The following BACE2 variants were observed in gnomAD, a reference collection of about 807,000 sequenced individuals.
BACE2 encodes beta-secretase 2, also known as 56 kDa aspartic-like protease.
A neutral mutation model predicts 46.2 loss-of-function variants in BACE2; 17 were observed. The ratio of observed to expected loss-of-function variants is 0.37; its 90% CI spans 0.25 to 0.55. The LOEUF (loss-of-function observed/expected upper bound fraction) is 0.55. Ranked by LOEUF, BACE2 falls within the 20% of genes least tolerant of loss-of-function variation. The pLI, the probability that BACE2 is intolerant of heterozygous loss-of-function variation, is 0.82. For synonymous variants in BACE2, 277 were observed against 295.9 expected (o/e 0.94, Z 0.66); for missense variants, 595 against 698.1 (o/e 0.85, Z 1.66).
At chr21:41,182,421 T>G (rs372092648) in intron 1 of BACE2, 4 of 167,080 alleles carry the variant, frequency 2.4e-5, no homozygotes, top group Admixed American at 1.3e-4. Flanking sequence ...TTAGCAAGAC[T>G]AAGTCTCCTG....
chr21:41,258,873 G>A (rs772494354), intron 8 of BACE2, among the ~76,000 whole-genome samples: 1 of 152,122 alleles, frequency 6.6e-6, no homozygotes, highest in Non-Finnish European at 1.5e-5. Context: ...TTATGTATGT[G>A]CAATAACTCT....
At position 41,184,659 on chromosome 21, in the gene BACE2, G is replaced by A. The variant is rs2123503498; in HGVS notation, c.312+16084G>A. The A allele has an allele frequency of 1.8e-5, 3 of 166,406 alleles. No individual in the cohort carries two copies. The South Asian group carries it at 6.3e-4, about 35-fold the overall frequency. The allele number at this position is 166,406 out of a possible 1,614,324, so 10.3% of individuals were successfully genotyped here. A position where few individuals can be genotyped will look rare whatever the true frequency, so the allele number is the denominator to read the frequency against. On this transcript the variant is annotated intron_variant, in intron 1 of 8. Coordinates refer to ENST00000330333, the MANE Select transcript of BACE2 (RefSeq NM_012105.5). ...AGGCTAGGGCTAGTTGGATAAGGGG[G>A]AAAGGTGCCTGATGATATTGGGGTG...
intron 1 of BACE2, among the ~76,000 whole-genome samples, chr21:41,185,686 T>C (rs1262723454): frequency 6.6e-6 from 1 of 152,172 alleles, no homozygotes; most frequent in African/African-American, 2.4e-5. Context: ...TGGCCTATAA[T>C]ACCGATGCTG....
chr21:41,251,307 A>G (rs1202930243), intron 7 of BACE2, among the ~76,000 whole-genome samples: 2 of 152,196 alleles, frequency 1.3e-5, no homozygotes, highest in Non-Finnish European at 2.9e-5. Flanking sequence ...AGAACTAGCC[A>G]CTATCTCTTC....
At chr21:41,253,007 TG>T (rs752617156) in intron 7 of BACE2, among the ~76,000 whole-genome samples, 4 of 152,226 alleles carry the variant, frequency 2.6e-5, no homozygotes, top group Non-Finnish European at 5.9e-5. Context: ...TAGCCCTGCC[TG>T]TGTCTCTTTA....
intron 1 of BACE2, among the ~76,000 whole-genome samples, chr21:41,170,583 C>T (rs1252426875): frequency 6.6e-6 from 1 of 152,110 alleles, no homozygotes; most frequent in Non-Finnish European, 1.5e-5. Flanking sequence ...CCTGTGTTGC[C>T]CTGAAATGTC....
chr21:41,269,099 C>T (rs183096008), intron 8 of BACE2, among the ~76,000 whole-genome samples: 5 of 152,130 alleles, frequency 3.3e-5, no homozygotes, highest in Admixed American at 2.0e-4. Flanking sequence ...GGATTACAGG[C>T]GTGTGCCACC....
chr21:41,257,530 T>G (rs1987824119), intron 8 of BACE2, among the ~76,000 whole-genome samples: 1 of 152,176 alleles, frequency 6.6e-6, no homozygotes, highest in African/African-American at 2.4e-5. Flanking sequence ...GAAACTTCAG[T>G]GCTTGGCACA....
chr21:41,275,773 T>C lies in BACE2; in HGVS notation c.*149T>C. The C allele has an allele frequency of 1.1e-6, 1 of 873,432 alleles. No homozygotes were observed. Among genetic ancestry groups the C allele is most frequent in the Non-Finnish European group, 1.7e-6 (1 of 588,774 alleles). The allele number at this position is 873,432 out of a possible 1,614,324, so 54.1% of individuals were successfully genotyped here. A position where few individuals can be genotyped will look rare whatever the true frequency, so the allele number is the denominator to read the frequency against. On this transcript the variant is annotated 3_prime_UTR_variant, in exon 9 of 9. Transcript: ENST00000330333. Reference sequence around the variant, plus strand: ...GCTCCCAGATGCCTTCTAGATTCACTGTCTTTTGATTCTTGATTTTCAAGC... The same window carrying C: ...GCTCCCAGATGCCTTCTAGATTCACCGTCTTTTGATTCTTGATTTTCAAGC...
chr21:41,254,303 CCT>C (rs1410005799), intron 7 of BACE2, among the ~76,000 whole-genome samples: 1 of 152,164 alleles, frequency 6.6e-6, no homozygotes. Flanking sequence ...CCCTACTTGA[CCT>C]GCTCTTCAGT....
intron 8 of BACE2, among the ~76,000 whole-genome samples, chr21:41,271,109 AG>A (rs2088430091): frequency 6.6e-6 from 1 of 152,196 alleles, no homozygotes; most frequent in Non-Finnish European, 1.5e-5. Flanking sequence ...CTAATAATAT[AG>A]CCACTCTGGA....
At chr21:41,265,187 T>C (rs1318786818) in intron 8 of BACE2, among the ~76,000 whole-genome samples, 1 of 150,438 alleles carries the variant, frequency 6.6e-6, no homozygotes, top group East Asian at 1.9e-4. Context: ...TTTTTTTTTT[T>C]CAAGCCTCAT....
At chr21:41,219,342 G>T (rs1358010584) in intron 1 of BACE2, among the ~76,000 whole-genome samples, 1 of 152,168 alleles carries the variant, frequency 6.6e-6, no homozygotes, top group African/African-American at 2.4e-5. Context: ...CCAGAAATCT[G>T]TATAGTAAAG....
chr21:41,262,118 G>T (rs933104652), intron 8 of BACE2, among the ~76,000 whole-genome samples: 1 of 152,028 alleles, frequency 6.6e-6, no homozygotes, highest in Non-Finnish European at 1.5e-5. Context: ...ATTTCCCCAG[G>T]TGTCCCCAGA....
At chr21:41,206,597 T>C (rs1395994057) in intron 1 of BACE2, among the ~76,000 whole-genome samples, 3 of 152,180 alleles carry the variant, frequency 2.0e-5, no homozygotes, top group Non-Finnish European at 4.4e-5. Flanking sequence ...GGCAAATTCA[T>C]AGAGACAGAA....
chr21:41,205,699 T>G (rs1475967986), intron 1 of BACE2, among the ~76,000 whole-genome samples: 1 of 152,144 alleles, frequency 6.6e-6, no homozygotes, highest in Non-Finnish European at 1.5e-5. Flanking sequence ...AAATTTTGAG[T>G]GGAAAACCTC....
chr21:41,168,711 G>C, intron 1 of BACE2, 136 bp downstream of exon 1: 3 of 652,836 alleles, frequency 4.6e-6, no homozygotes, highest in Non-Finnish European at 6.6e-6. Context: ...GGAACGCAGA[G>C]GGGCTCGGGT....
In BACE2 at chr21:41,193,118, C is replaced by T. The variant is rs8127103; in HGVS notation, c.312+24543C>T. ...AAACTAATGGACCAGTGTGATATCT[C>T]GTGGAAACGAAAAGCGATCAAGGTC... is the stretch of plus-strand genomic sequence containing the variant. On this transcript the variant is annotated intron_variant, in intron 1 of 8. Coordinates refer to ENST00000330333, the MANE Select transcript of BACE2 (RefSeq NM_012105.5). The surrounding 1 kb of genome is among the most constrained non-coding windows in gnomAD (Gnocchi z 4.2). 1.9e-3 allele frequency among the ~76,000 whole-genome samples: 290 copies of T among 152,258 alleles called. No individual in the cohort carries two copies. The highest frequency in any genetic ancestry group is 5.4e-3 in the African/African-American group (225 of 41,534).
At chr21:41,215,670 AG>A (rs1986442603) in intron 1 of BACE2, among the ~76,000 whole-genome samples, 1 of 152,206 alleles carries the variant, frequency 6.6e-6, no homozygotes, top group South Asian at 2.1e-4. Flanking sequence ...GGAAGGAAGC[AG>A]GGAACAGGGG....
Sources: allele counts gnomAD v4.1 joint callset (sites outside exome capture counted in the v4.1 genomes callset), GRCh38; gene constraint gnomAD v4.1.1; non-coding constraint Gnocchi (gnomAD v3.1); transcripts MANE v1.5; gene names NCBI Gene and HGNC (gene_info 2026-07-23, HGNC 2026-07-21).